MED28: variants seen among roughly 807,000 people sequenced by gnomAD.
The protein encoded by MED28 is mediator of RNA polymerase II transcription subunit 28.
A neutral mutation model predicts 21.3 loss-of-function variants in MED28; 26 were observed. The observed-to-expected ratio is 1.22, with a 90% CI of 0.89 to 1.69. The LOEUF (loss-of-function observed/expected upper bound fraction) is 1.69, where lower values mean the gene tolerates loss of function less well. Among genes scored for constraint, MED28 ranks in the 40% most tolerant of loss-of-function variants. MED28 has a pLI of 0.00. For synonymous variants in MED28, 110 were observed against 87.6 expected (o/e 1.26, Z -1.43); for missense variants, 257 against 215.4 (o/e 1.19, Z -1.21).
rs1714746593 is a variant in MED28, at chr4:17,625,298, C to T, written c.*1500C>T. The T allele has an allele frequency of 5.7e-6, 1 of 176,376 alleles. No homozygotes were observed. Among genetic ancestry groups the T allele is most frequent in the South Asian group, 1.1e-4 (1 of 8,936 alleles). 10.9% of individuals were successfully genotyped at this position (176,376 alleles called of 1,614,324 possible). A position where few individuals can be genotyped will look rare whatever the true frequency, so the allele number is the denominator to read the frequency against. On this transcript the variant is annotated 3_prime_UTR_variant, in exon 4 of 4. Coordinates refer to ENST00000237380, the MANE Select transcript of MED28 (RefSeq NM_025205.5). Reference sequence around the variant, plus strand: ...TCTTTTTGGTGTGTGTATATGGTATCTGGCACATGGATCTCTGATTACCAG... The same window carrying T: ...TCTTTTTGGTGTGTGTATATGGTATTTGGCACATGGATCTCTGATTACCAG...
chr4:17,620,686 TTG>T (rs1201479389), intron 2 of MED28, among the ~76,000 whole-genome samples: 8 of 130,958 alleles, frequency 6.1e-5, no homozygotes, highest in Non-Finnish European at 9.3e-5. Context: ...GATCTCTGCA[TTG>T]TCTCTTTTTT....
rs1714567871 is a variant in MED28 at position 17,619,934 on chromosome 4, G to T, written c.193G>T (p.Val65Phe). Residue 65 changes from valine (V) to phenylalanine (F), a missense_variant, in exon 2 of 4, where the codon GTC becomes TTC. Val to Phe is a conservative substitution (Grantham distance 50). Coordinates refer to ENST00000237380, the MANE Select transcript of MED28 (RefSeq NM_025205.5). ...TGCATCTCTGGTGAGTCAGGACTATGTCAATGGCACCGATCAGGAAGAAAT... is the reference window on the plus strand; with the variant it reads ...TGCATCTCTGGTGAGTCAGGACTATTTCAATGGCACCGATCAGGAAGAAAT... ...CFASLVSQDY[V>F]NGTDQEEIRT... 1 of 1,614,138 alleles carries T rather than the reference G, an allele frequency of 6.2e-7. No individual in the cohort carries two copies. Among genetic ancestry groups the T allele is most frequent in the Non-Finnish European group, 8.5e-7 (1 of 1,180,000 alleles).
rs921649075 is a variant in MED28 at position 17,624,502 on chromosome 4, C to G, written c.*704C>G. 6 of 151,732 alleles carry G rather than the reference C, an allele frequency of 4.0e-5. No individual in the cohort carries two copies. The highest frequency in any genetic ancestry group is 6.6e-5 in the Admixed American group (1 of 15,200). The allele number at this position is 151,732 out of a possible 1,614,324, so 9.4% of individuals were successfully genotyped here. A position where few individuals can be genotyped will look rare whatever the true frequency, so the allele number is the denominator to read the frequency against. ...GAAGGATATAGTGGGAGCAGTGATA[C>G]GCTAACATTCATTACATTCTGCAGT... On this transcript the variant is annotated 3_prime_UTR_variant, in exon 4 of 4. Transcript: ENST00000237380.
intron 2 of MED28, among the ~76,000 whole-genome samples, chr4:17,621,311 T>G (rs1714622792): frequency 6.6e-6 from 1 of 152,138 alleles, no homozygotes; most frequent in South Asian, 2.1e-4. Flanking sequence ...CATGCCCAGC[T>G]GCATTGTCTT....
chr4:17,619,061 T>G (rs1293387011), intron 1 of MED28, among the ~76,000 whole-genome samples: 1 of 152,218 alleles, frequency 6.6e-6, no homozygotes, highest in Non-Finnish European at 1.5e-5. Flanking sequence ...GTTTGAGGCT[T>G]CTTTTCTAAC....
In MED28 at chr4:17,632,405, G is replaced by A. The variant is rs1560161680; in HGVS notation, c.*8607G>A. On this transcript the variant is annotated 3_prime_UTR_variant, in exon 4 of 4. Coordinates refer to ENST00000237380, the MANE Select transcript of MED28 (RefSeq NM_025205.5). ...GTATGAAGTGTTAACGCCAAAATTT[G>A]TTTTAGCTATCATATATAAATCATA... The A allele has an allele frequency of 3.9e-6, 3 of 766,658 alleles. No individual in the cohort carries two copies. The highest frequency in any genetic ancestry group is 4.1e-6 in the Non-Finnish European group (2 of 488,422). 47.5% of individuals were successfully genotyped at this position (766,658 alleles called of 1,614,324 possible). A position where few individuals can be genotyped will look rare whatever the true frequency, so the allele number is the denominator to read the frequency against.
intron 3 of MED28, among the ~76,000 whole-genome samples, chr4:17,621,976 A>G (rs1055092785): frequency 6.6e-6 from 1 of 152,252 alleles, no homozygotes; most frequent in East Asian, 1.9e-4. Context: ...AGATTCTGCC[A>G]TGTGAAAAAA....
rs528612432 is a variant in MED28 at position 17,625,779 on chromosome 4, C to T, written c.*1981C>T. 6 of 405,298 alleles carry T rather than the reference C, an allele frequency of 1.5e-5. No homozygotes were observed. Among genetic ancestry groups the T allele is most frequent in the South Asian group, 9.0e-5 (5 of 55,570 alleles). 25.1% of individuals were successfully genotyped at this position (405,298 alleles called of 1,614,324 possible). On this transcript the variant is annotated 3_prime_UTR_variant, in exon 4 of 4. Coordinates refer to ENST00000237380, the MANE Select transcript of MED28 (RefSeq NM_025205.5). ...AACCTGTGGAATGCCCTCTGCCAAG[C>T]ACTGCTCTGGTACTGGGGAGTGGAG...
chr4:17,622,208 G>A (rs2108917942), intron 3 of MED28, among the ~76,000 whole-genome samples: 1 of 152,270 alleles, frequency 6.6e-6, no homozygotes, highest in African/African-American at 2.4e-5. Flanking sequence ...AGCTTTAATG[G>A]CATTGAATGG....
intron 1 of MED28, among the ~76,000 whole-genome samples, chr4:17,617,431 C>G (rs1714484460): frequency 1.3e-5 from 2 of 152,210 alleles, no homozygotes; most frequent in African/African-American, 4.8e-5. Context: ...AGCTCATGCA[C>G]TCTTGATTTT....
At chr4:17,617,133 C>T (rs1714475012) in intron 1 of MED28, among the ~76,000 whole-genome samples, 1 of 152,186 alleles carries the variant, frequency 6.6e-6, no homozygotes, top group Admixed American at 6.5e-5. Flanking sequence ...TTTGACTTAG[C>T]CAGGTGAAGG....
Position 17,614,686 on chromosome 4 carries a change from G to C in MED28, c.32G>C (p.Gly11Ala), listed in dbSNP as rs771675055. 5 of 1,613,628 alleles carry C rather than the reference G, an allele frequency of 3.1e-6. No individual in the cohort carries two copies. Among genetic ancestry groups the C allele is most frequent in the Non-Finnish European group, 1.7e-6 (2 of 1,179,916 alleles). The change falls in exon 1 of 4, where the codon GGG becomes GCG. Residue 11 changes from glycine to alanine, a missense_variant. By Grantham distance (60) the Gly-to-Ala change is moderately conservative. Coordinates refer to ENST00000237380, the MANE Select transcript of MED28 (RefSeq NM_025205.5). MAAPLGGMFS[G>A]QPPGPPQAPP... Reference sequence around the variant, plus strand: ...GCTCCACTAGGGGGTATGTTTTCTGGGCAGCCACCCGGTCCCCCTCAGGCC... The same window carrying C: ...GCTCCACTAGGGGGTATGTTTTCTGCGCAGCCACCCGGTCCCCCTCAGGCC...
At chr4:17,620,799 C>A (rs1714604799) in intron 2 of MED28, among the ~76,000 whole-genome samples, 1 of 149,566 alleles carries the variant, frequency 6.7e-6, no homozygotes, top group Non-Finnish European at 1.5e-5. Flanking sequence ...GCCTCCTGGG[C>A]TGAAGCAGTC....
In MED28 at chr4:17,625,823, A is replaced by T; in HGVS notation, c.*2025A>T. 3.3e-6 allele frequency: 1 copy of T among 302,204 alleles called. No individual in the cohort carries two copies. The highest frequency in any genetic ancestry group is 6.5e-6 in the Non-Finnish European group (1 of 153,952). The allele number at this position is 302,204 out of a possible 1,614,324, so 18.7% of individuals were successfully genotyped here. A position where few individuals can be genotyped will look rare whatever the true frequency, so the allele number is the denominator to read the frequency against. ...AGTGGAGTATTATGTCTTGGAAGAG[A>T]CTCCTGCTGTGATTGTCCAGGGGTA... is the stretch of plus-strand genomic sequence containing the variant. On this transcript the variant is annotated 3_prime_UTR_variant, in exon 4 of 4. Coordinates refer to ENST00000237380, the MANE Select transcript of MED28 (RefSeq NM_025205.5).
chr4:17,620,781 C>T (rs1714604340), intron 2 of MED28, among the ~76,000 whole-genome samples: 2 of 150,682 alleles, frequency 1.3e-5, no homozygotes, highest in Admixed American at 1.3e-4. Context: ...CTGCTCACTG[C>T]AACCTCTGCC....
rs986010265 is a variant in MED28, at chr4:17,629,434, A to G, written c.*5636A>G. 6.6e-6 allele frequency: 1 copy of G among 152,216 alleles called. No homozygotes were observed. The highest frequency in any genetic ancestry group is 2.4e-5 in the African/African-American group (1 of 41,458). 9.4% of individuals were successfully genotyped at this position (152,216 alleles called of 1,614,324 possible). A position where few individuals can be genotyped will look rare whatever the true frequency, so the allele number is the denominator to read the frequency against. On this transcript the variant is annotated 3_prime_UTR_variant, in exon 4 of 4. Transcript: ENST00000237380. ...CTCAATCACAAATGTTGGGTTGGAT[A>G]TTACATCAGTGTTAGAGCAGTTAAG...
At chr4:17,620,387 G>A (rs1353895358) in intron 2 of MED28, among the ~76,000 whole-genome samples, 1 of 122,274 alleles carries the variant, frequency 8.2e-6, no homozygotes, top group Admixed American at 9.8e-5. Context: ...TTTCACTCTT[G>A]TCGCCCAGGC....
rs764302492 is a variant in MED28, at chr4:17,621,702, A to AT, written c.339+4dup. The AT allele has an allele frequency of 2.7e-5, 43 of 1,593,564 alleles. No homozygotes were observed. In the East Asian group the frequency reaches 4.9e-4, roughly 18 times the overall value. ...AACCAGAGCAAGTTATCAAAGAGGTATGAACTCAGTTTTCTCCTCAGCTCT... is the reference window on the plus strand; with the variant it reads ...AACCAGAGCAAGTTATCAAAGAGGTATTGAACTCAGTTTTCTCCTCAGCTCT... On this transcript the variant is annotated splice_donor_region_variant and intron_variant, in intron 3 of 3. Coordinates refer to ENST00000237380, the MANE Select transcript of MED28 (RefSeq NM_025205.5).
chr4:17,620,223 C>G (rs1714579108), intron 2 of MED28: 1 of 428,436 alleles, frequency 2.3e-6, no homozygotes, highest in South Asian at 3.3e-5. Context: ...GTGTGTACTG[C>G]TTTTTAAAAA....
Sources: gnomAD v4.1 joint callset for allele counts (sites outside exome capture counted in the v4.1 genomes callset) on GRCh38, gnomAD v4.1.1 for gene constraint, MANE v1.5 for transcripts, NCBI Gene and HGNC (gene_info 2026-07-23, HGNC 2026-07-21) for gene names.